The following STON2 variants were observed in gnomAD, a reference collection of about 807,000 sequenced individuals.
STON2 encodes the protein stonin 2.
In STON2, 29 loss-of-function variants were observed where a neutral mutation model predicts 65.7. That is an observed-to-expected ratio of 0.44 (90% CI 0.33 to 0.60). The LOEUF (loss-of-function observed/expected upper bound fraction) is 0.60. Among genes scored for constraint, STON2 ranks in the 20% least tolerant of loss-of-function variants. The pLI is 0.03. For synonymous variants in STON2, 404 were observed against 414.2 expected (o/e 0.98, Z 0.30); for missense variants, 1,054 against 1,118.1 (o/e 0.94, Z 0.82).
chr14:81,274,868 GC>G (rs1894746303), intron 6 of STON2, among the ~76,000 whole-genome samples: 8 of 151,994 alleles, frequency 5.3e-5, no homozygotes, highest in African/African-American at 1.7e-4. Flanking sequence ...TCGCACCACT[GC>G]ACTTCAGCCT....
chr14:81,434,145 T>C (rs1402488244), intron 1 of STON2, among the ~76,000 whole-genome samples: 1 of 152,238 alleles, frequency 6.6e-6, no homozygotes, highest in African/African-American at 2.4e-5. Flanking sequence ...TCATTAGTAC[T>C]ATCCTTAGAA....
intron 5 of STON2, among the ~76,000 whole-genome samples, chr14:81,312,738 T>C (rs1245854038): frequency 6.6e-6 from 1 of 152,260 alleles, no homozygotes; most frequent in African/African-American, 2.4e-5. Flanking sequence ...ATGCATTTGC[T>C]TGTATTGACC....
In STON2 at chr14:81,262,314, GTCC is replaced by G. The variant is rs1415147375; in HGVS notation, c.*6097_*6099del. On this transcript the variant is annotated 3_prime_UTR_variant, in exon 8 of 8. Transcript: ENST00000614646. ...TGACTTTAAATAAACAATCCTCAAT[GTCC>G]TCGTGTCTAGCCTTTCCTCCCTTTA... 8 of 985,298 alleles carry G rather than the reference GTCC, an allele frequency of 8.1e-6. No individual in the cohort carries two copies. The highest frequency in any genetic ancestry group is 9.6e-6 in the Non-Finnish European group (8 of 829,934). 61.0% of individuals were successfully genotyped at this position (985,298 alleles called of 1,614,324 possible).
chr14:81,305,861 A>AAGTGTATCTTTGGTTGT (rs1338454860), intron 5 of STON2, among the ~76,000 whole-genome samples: 5 of 152,026 alleles, frequency 3.3e-5, no homozygotes, highest in African/African-American at 4.8e-5. Context: ...TGCTAACCCA[A>AAGTGTATCTTTGGTTGT]ATCAATGCAA....
chr14:81,321,302 A>G (rs554233444), intron 5 of STON2, among the ~76,000 whole-genome samples: 11 of 152,120 alleles, frequency 7.2e-5, no homozygotes, highest in Admixed American at 2.0e-4. Flanking sequence ...AGGCCAAGGC[A>G]AAAGGATCAC....
At position 81,298,424 on chromosome 14, in the gene STON2, G is replaced by GGAA. The variant is rs200117715; in HGVS notation, c.743-19686_743-19685insTTC. Among the ~76,000 whole-genome samples, 6 of 145,630 alleles carry GGAA rather than the reference G, an allele frequency of 4.1e-5. 1 individual carries two copies. The South Asian group carries it at 6.8e-4, about 16-fold the overall frequency. On this transcript the variant is annotated intron_variant, in intron 5 of 7. Coordinates refer to ENST00000614646, the MANE Select transcript of STON2 (RefSeq NM_001394390.1). ...CTCAACTGCTTCAGATGGGGGGGGGGAATCACAGAATTTAAAAGCCAAACT... is the reference window on the plus strand; with the variant it reads ...CTCAACTGCTTCAGATGGGGGGGGGGGAAAATCACAGAATTTAAAAGCCAAACT...
rs778997064 is a variant in STON2, at chr14:81,277,825, TTC to T, written c.1655_1656del (p.Arg552AsnfsTer12). The part of the protein sequence containing the change: ...PRLQNYDENG[R>X]IHSLRIDRVT... ...ACACGGTCTATCCGCAAGCTGTGGA[TTC>T]TGCCATTCTCATCATAGTTTTGAAG... On this transcript the variant is annotated frameshift_variant, in exon 6 of 8. Coordinates refer to ENST00000614646, the MANE Select transcript of STON2 (RefSeq NM_001394390.1). LOFTEE classifies it high-confidence loss of function. 6.2e-7 allele frequency: 1 copy of T among 1,614,192 alleles called. No homozygotes were observed.
intron 2 of STON2, among the ~76,000 whole-genome samples, chr14:81,417,271 A>ACCGCC (rs1230859666): frequency 6.6e-6 from 1 of 151,684 alleles, no homozygotes; most frequent in East Asian, 1.9e-4. Flanking sequence ...AGAGCTATTC[A>ACCGCC]CCGCCCCGCC....
At position 81,263,162 on chromosome 14, in the gene STON2, G is replaced by A. The variant is rs1595256689; in HGVS notation, c.*5252C>T. 1 of 985,336 alleles carries A rather than the reference G, an allele frequency of 1.0e-6. No homozygotes were observed. The highest frequency in any genetic ancestry group is 1.2e-6 in the Non-Finnish European group (1 of 829,890). The allele number at this position is 985,336 out of a possible 1,614,324, so 61.0% of individuals were successfully genotyped here. ...TCCTGTTAAATTGCATTCTGGACAT[G>A]ACCTAAGGCTAGCTTGTCCAACCCT... is the stretch of plus-strand genomic sequence containing the variant. On this transcript the variant is annotated 3_prime_UTR_variant, in exon 8 of 8. Coordinates refer to ENST00000614646, the MANE Select transcript of STON2 (RefSeq NM_001394390.1).
At position 81,261,722 on chromosome 14, in the gene STON2, T is replaced by C; in HGVS notation, c.*6692A>G. ...ACTTGGAGGGTTAGACCTACTTCTG[T>C]GTCAGGTAGCACCCAAATCCTAACA... On this transcript the variant is annotated 3_prime_UTR_variant, in exon 8 of 8. Transcript: ENST00000614646. The C allele has an allele frequency of 1.4e-6, 2 of 1,423,104 alleles. No homozygotes were observed. The highest frequency in any genetic ancestry group is 1.8e-6 in the Non-Finnish European group (2 of 1,092,122). 88.2% of individuals were successfully genotyped at this position (1,423,104 alleles called of 1,614,324 possible).
chr14:81,285,100 G>A (rs1895283893), intron 5 of STON2, among the ~76,000 whole-genome samples: 1 of 152,234 alleles, frequency 6.6e-6, no homozygotes, highest in Non-Finnish European at 1.5e-5. Context: ...TTTCATGCCT[G>A]CAGCCGTGGA....
intron 4 of STON2, among the ~76,000 whole-genome samples, chr14:81,350,341 C>T (rs1449019842): frequency 1.3e-5 from 2 of 152,042 alleles, no homozygotes; most frequent in Non-Finnish European, 2.9e-5. Context: ...ATACTATGCA[C>T]CAATTAAAAA....
At chr14:81,281,022 AAAAAG>A (rs1218081536) in intron 5 of STON2, among the ~76,000 whole-genome samples, 11 of 151,930 alleles carry the variant, frequency 7.2e-5, no homozygotes, top group African/African-American at 7.2e-5. Flanking sequence ...AAAAAAAAAA[AAAAAG>A]AAAAGAAAAG....
intron 4 of STON2, among the ~76,000 whole-genome samples, chr14:81,335,381 G>A (rs376947680): frequency 6.6e-6 from 1 of 152,280 alleles, no homozygotes; most frequent in East Asian, 1.9e-4. Context: ...AAGTGACCAA[G>A]TATATCTTTC....
In STON2 at chr14:81,358,269, G is replaced by A. The variant is rs575918510; in HGVS notation, c.571+12719C>T. On this transcript the variant is annotated intron_variant, in intron 4 of 7. Coordinates refer to ENST00000614646, the MANE Select transcript of STON2 (RefSeq NM_001394390.1). ...TAAATTCTGACATTAAAACCATAAG[G>A]TGTGGGGGGAGGGAGGAGTAAATGT... Among the ~76,000 whole-genome samples the A allele has an allele frequency of 5.9e-5, 9 of 152,182 alleles. No individual in the cohort carries two copies. In the South Asian group the frequency reaches 1.9e-3, roughly 32 times the overall value.
chr14:81,262,858 A>G lies in STON2; in HGVS notation c.*5556T>C. On this transcript the variant is annotated 3_prime_UTR_variant, in exon 8 of 8. Transcript: ENST00000614646. ...TTTTCTACATTTGTGGTTGCCTTAT[A>G]CATCTCCTTCACGTTTAATTCCTTA... 1 of 985,362 alleles carries G rather than the reference A, an allele frequency of 1.0e-6. No individual in the cohort carries two copies. Among genetic ancestry groups the G allele is most frequent in the Non-Finnish European group, 1.2e-6 (1 of 829,814 alleles). The allele number at this position is 985,362 out of a possible 1,614,324, so 61.0% of individuals were successfully genotyped here.
chr14:81,262,213 T>C lies in STON2; in HGVS notation c.*6201A>G, dbSNP rs1166274204. 3.0e-6 allele frequency: 3 copies of C among 985,314 alleles called. No homozygotes were observed. The highest frequency in any genetic ancestry group is 3.6e-6 in the Non-Finnish European group (3 of 829,924). 61.0% of individuals were successfully genotyped at this position (985,314 alleles called of 1,614,324 possible). On this transcript the variant is annotated 3_prime_UTR_variant, in exon 8 of 8. Transcript: ENST00000614646. ...CAACTTACTTAACATAGTGATTGTC[T>C]CCATGGCTATGTCCTGTAAAGATTC...
chr14:81,409,655 G>T (rs1205956119), intron 2 of STON2, among the ~76,000 whole-genome samples: 1 of 152,130 alleles, frequency 6.6e-6, no homozygotes, highest in African/African-American at 2.4e-5. Flanking sequence ...GAGGTTCTGT[G>T]ACTAGATCAA....
chr14:81,264,371 G>A lies in STON2; in HGVS notation c.*4043C>T, dbSNP rs912174671. 5.1e-6 allele frequency: 5 copies of A among 984,894 alleles called. No homozygotes were observed. In the East Asian group the frequency reaches 5.7e-4, roughly 111 times the overall value. The allele number at this position is 984,894 out of a possible 1,614,324, so 61.0% of individuals were successfully genotyped here. A position where few individuals can be genotyped will look rare whatever the true frequency, so the allele number is the denominator to read the frequency against. On this transcript the variant is annotated 3_prime_UTR_variant, in exon 8 of 8. Transcript: ENST00000614646. ...TTATGAGTATTTGATGATAAGTAAG[G>A]GTTAAGTAGCCTTCGAGTCTCAGGG... is the stretch of plus-strand genomic sequence containing the variant.
Sources: allele counts gnomAD v4.1 joint callset (sites outside exome capture counted in the v4.1 genomes callset), GRCh38; gene constraint gnomAD v4.1.1; transcripts MANE v1.5; gene names NCBI Gene and HGNC (gene_info 2026-07-23, HGNC 2026-07-21).